Variants in STAU2 observed in about 807,000 individuals in gnomAD.
STAU2 encodes the protein double-stranded RNA-binding protein Staufen homolog 2.
STAU2 carries 20 observed loss-of-function variants against 65.9 expected under a neutral mutation model. That is an observed-to-expected ratio of 0.30 (90% CI 0.21 to 0.44). The LOEUF (loss-of-function observed/expected upper bound fraction) is 0.44, where lower values mean the gene tolerates loss of function less well. STAU2 is among the 20% of genes least tolerant of loss of function. The pLI is 1.00. For synonymous variants in STAU2, 232 were observed against 233.9 expected, an observed-to-expected ratio of 0.99 and a Z score of 0.07; for missense variants, 558 against 683.9, an observed-to-expected ratio of 0.82 and a Z score of 2.05.
chr8:73,715,069 C>A (rs1381814503), intron 3 of STAU2, among the ~76,000 whole-genome samples: 1 of 138,966 alleles, frequency 7.2e-6, no homozygotes, highest in Non-Finnish European at 1.5e-5. Context: ...AGCAACAGAG[C>A]GAGACTCCGT....
At chr8:73,603,672 T>C in intron 10 of STAU2, 54 bp downstream of exon 10, 1 of 1,580,290 alleles carries the variant, frequency 6.3e-7, no homozygotes, top group South Asian at 1.2e-5. Flanking sequence ...CAAATGCCTA[T>C]TCCATCCTGG....
At chr8:73,432,807 C>A (rs1466125857) in intron 13 of STAU2, among the ~76,000 whole-genome samples, 1 of 152,030 alleles carries the variant, frequency 6.6e-6, no homozygotes, top group South Asian at 2.1e-4. Context: ...AACGGCTTAC[C>A]CTTGGAACAA....
intron 4 of STAU2, among the ~76,000 whole-genome samples, chr8:73,695,117 G>A (rs1460737996): frequency 6.6e-6 from 1 of 152,176 alleles, no homozygotes; most frequent in African/African-American, 2.4e-5. Context: ...AACCTAGGGA[G>A]ACACCAGCTG....
At chr8:73,721,078 T>C (rs1413516599) in intron 3 of STAU2, among the ~76,000 whole-genome samples, 2 of 126,714 alleles carry the variant, frequency 1.6e-5, no homozygotes, top group Admixed American at 9.2e-5. Flanking sequence ...CCAGGAGTTC[T>C]AGACCAACCT....
At chr8:73,641,006 T>A (rs1454719510) in intron 6 of STAU2, among the ~76,000 whole-genome samples, 3 of 152,166 alleles carry the variant, frequency 2.0e-5, no homozygotes, top group Non-Finnish European at 4.4e-5. Flanking sequence ...CATTCCTAGG[T>A]CATAAATTTC....
At chr8:73,558,697 T>A (rs1807966835) in intron 12 of STAU2, among the ~76,000 whole-genome samples, 1 of 152,226 alleles carries the variant, frequency 6.6e-6, no homozygotes, top group Non-Finnish European at 1.5e-5. Flanking sequence ...ATAATGCCAC[T>A]GATCCAAATG....
intron 12 of STAU2, among the ~76,000 whole-genome samples, chr8:73,580,786 T>G (rs1809921666): frequency 1.3e-5 from 2 of 152,292 alleles, no homozygotes; most frequent in South Asian, 2.1e-4. Flanking sequence ...TGGGCTGCCC[T>G]TATCCTCTAT....
intron 11 of STAU2, among the ~76,000 whole-genome samples, chr8:73,589,495 G>A (rs1810613863): frequency 6.6e-6 from 1 of 152,124 alleles, no homozygotes; most frequent in South Asian, 2.1e-4. Flanking sequence ...TAACATACAT[G>A]AGCATATGGG....
At chr8:73,516,335 A>T (rs1714796893) in intron 13 of STAU2, among the ~76,000 whole-genome samples, 1 of 146,936 alleles carries the variant, frequency 6.8e-6, no homozygotes, top group African/African-American at 2.6e-5. Flanking sequence ...AACAGAAGAC[A>T]TTTTTTTTTT....
chr8:73,603,433 G>A (rs773567570), intron 10 of STAU2, among the ~76,000 whole-genome samples: 2 of 152,100 alleles, frequency 1.3e-5, no homozygotes, highest in Non-Finnish European at 2.9e-5. Context: ...AACAGACTCC[G>A]GCTACAAAAT....
intron 6 of STAU2, among the ~76,000 whole-genome samples, chr8:73,632,883 T>A (rs1252161572): frequency 6.6e-6 from 1 of 152,194 alleles, no homozygotes; most frequent in Admixed American, 6.5e-5. Flanking sequence ...AAGGCCAGAC[T>A]CCCCTGCAAA....
intron 6 of STAU2, among the ~76,000 whole-genome samples, chr8:73,632,041 G>GGA (rs1324525150): frequency 1.3e-5 from 2 of 151,806 alleles, no homozygotes; most frequent in Non-Finnish European, 2.9e-5. Context: ...AGGGAGGAAA[G>GGA]GAGAGAGAGA....
Position 73,469,803 on chromosome 8 carries a change from A to T in STAU2, c.1531-47101T>A, listed in dbSNP as rs577529178. ...TCAGATTAAACCTCGAATTAGAGCG[A>T]GGTTGTTTGACAAACAACACTGTGA... On this transcript the variant is annotated intron_variant, in intron 13 of 14. Coordinates refer to ENST00000524300, the MANE Select transcript of STAU2 (RefSeq NM_001164380.2). Among the ~76,000 whole-genome samples the T allele has an allele frequency of 3.3e-5, 5 of 152,232 alleles. No homozygotes were observed. In the South Asian group the frequency reaches 1.0e-3, roughly 31 times the overall value.
intron 3 of STAU2, among the ~76,000 whole-genome samples, chr8:73,725,119 T>C (rs1015133007): frequency 6.6e-6 from 1 of 152,246 alleles, no homozygotes; most frequent in South Asian, 2.1e-4. Context: ...CTGACAATCT[T>C]TGCCATTTAA....
At chr8:73,714,028 C>T (rs1473819619) in intron 3 of STAU2, among the ~76,000 whole-genome samples, 1 of 152,038 alleles carries the variant, frequency 6.6e-6, no homozygotes, top group African/African-American at 2.4e-5. Context: ...CTCAGCCTCC[C>T]GAGTAGCTGG....
intron 13 of STAU2, among the ~76,000 whole-genome samples, chr8:73,523,898 G>A (rs979833754): frequency 1.3e-5 from 2 of 152,196 alleles, no homozygotes; most frequent in Admixed American, 6.5e-5. Flanking sequence ...AGTTGAGTCA[G>A]GTAATCAGAT....
At chr8:73,512,188 T>C (rs1822443588) in intron 13 of STAU2, among the ~76,000 whole-genome samples, 1 of 152,214 alleles carries the variant, frequency 6.6e-6, no homozygotes, top group Admixed American at 6.5e-5. Flanking sequence ...TGTAAATGTT[T>C]CAATTTTGTT....
chr8:73,452,160 G>A (rs1818833916), intron 13 of STAU2, among the ~76,000 whole-genome samples: 1 of 152,160 alleles, frequency 6.6e-6, no homozygotes, highest in Non-Finnish European at 1.5e-5. Context: ...CAGGTTCCCA[G>A]GGGAGGAACT....
At chr8:73,573,029 A>C (rs545459560) in intron 12 of STAU2, among the ~76,000 whole-genome samples, 1 of 152,388 alleles carries the variant, frequency 6.6e-6, no homozygotes, top group Admixed American at 6.5e-5. Context: ...AAATCCCCTT[A>C]AGCTGATAAG....
Sources: gnomAD v4.1 joint callset for allele counts (sites outside exome capture counted in the v4.1 genomes callset) on GRCh38, gnomAD v4.1.1 for gene constraint, MANE v1.5 for transcripts, NCBI Gene and HGNC (gene_info 2026-07-23, HGNC 2026-07-21) for gene names.